Variants in COPG2 observed in about 807,000 individuals in gnomAD.
The protein encoded by COPG2 is coatomer subunit gamma-2.
COPG2 carries 37 observed loss-of-function variants against 46.3 expected under a neutral mutation model. The observed-to-expected ratio is 0.80, with a 90% CI of 0.61 to 1.05. The LOEUF (loss-of-function observed/expected upper bound fraction) is 1.05. Ranked by LOEUF, COPG2 falls within the 50% of genes least tolerant of loss-of-function variation. COPG2 has a pLI of 0.00. For synonymous variants in COPG2, 159 were observed against 129.7 expected (o/e 1.23, Z -1.53); for missense variants, 427 against 387.8 (o/e 1.10, Z -0.85).
Position 130,548,556 on chromosome 7 carries a change from A to G in COPG2, c.1838-14T>C. The G allele has an allele frequency of 7.5e-6, 3 of 398,578 alleles. No homozygotes were observed. Among genetic ancestry groups the G allele is most frequent in the Non-Finnish European group, 1.3e-5 (3 of 226,014 alleles). 24.7% of individuals were successfully genotyped at this position (398,578 alleles called of 1,614,324 possible). On this transcript the variant is annotated splice_polypyrimidine_tract_variant and intron_variant, in intron 18 of 23. Transcript: ENST00000425248. Reference sequence around the variant, plus strand: ...CAGCCAATTGTTCTATCAAGAAAAAAGAACGTAGGCTATGAAGAAGACAGG... The same window carrying G: ...CAGCCAATTGTTCTATCAAGAAAAAGGAACGTAGGCTATGAAGAAGACAGG...
chr7:130,617,925 A>T (rs1794976529), intron 5 of COPG2, among the ~76,000 whole-genome samples: 1 of 151,512 alleles, frequency 6.6e-6, no homozygotes, highest in South Asian at 2.1e-4. Flanking sequence ...ACATGACTAA[A>T]CCCCATCTCT....
chr7:130,540,563 G>T (rs1799925987), intron 20 of COPG2, among the ~76,000 whole-genome samples: 1 of 152,066 alleles, frequency 6.6e-6, no homozygotes, highest in Admixed American at 6.5e-5. Context: ...ATGCAGACTG[G>T]TGTTTGGGGT....
At chr7:130,598,158 T>G (rs1383834892) in intron 9 of COPG2, among the ~76,000 whole-genome samples, 3 of 152,130 alleles carry the variant, frequency 2.0e-5, no homozygotes, top group Non-Finnish European at 2.9e-5. Context: ...CTTTTTTTTT[T>G]GTATCCCTCT....
intron 9 of COPG2, among the ~76,000 whole-genome samples, chr7:130,576,393 C>A (rs1554446232): frequency 6.6e-6 from 1 of 152,124 alleles, no homozygotes; most frequent in Non-Finnish European, 1.5e-5. Context: ...TTAAATAAAA[C>A]TGGAAATCAA....
intron 9 of COPG2, among the ~76,000 whole-genome samples, chr7:130,586,908 A>C (rs559470275): frequency 6.6e-6 from 1 of 152,244 alleles, no homozygotes; most frequent in South Asian, 2.1e-4. Flanking sequence ...GCTATTAGCC[A>C]ACACTCAACA....
chr7:130,547,895 C>CAGGAA (rs1793470817), intron 19 of COPG2, 50 bp from the exon 20 acceptor site: 1 of 398,426 alleles, frequency 2.5e-6, no homozygotes, highest in Non-Finnish European at 4.4e-6. Context: ...AGTTATCCTT[C>CAGGAA]CTACTCATAA....
chr7:130,523,414 G>GCCGC (rs1489794890), intron 20 of COPG2, among the ~76,000 whole-genome samples: 3 of 152,174 alleles, frequency 2.0e-5, no homozygotes, highest in Non-Finnish European at 2.9e-5. Context: ...CTTCTGATAG[G>GCCGC]CCGCCTTGGG....
chr7:130,513,476 C>T (rs1799645425), intron 20 of COPG2, among the ~76,000 whole-genome samples: 1 of 148,946 alleles, frequency 6.7e-6, no homozygotes, highest in Admixed American at 6.7e-5. Context: ...CAGAAGATGG[C>T]AGAGCTGCAT....
At chr7:130,571,031 C>T (rs1283480708) in intron 9 of COPG2, among the ~76,000 whole-genome samples, 2 of 152,140 alleles carry the variant, frequency 1.3e-5, no homozygotes, top group Non-Finnish European at 2.9e-5. Flanking sequence ...TCATCTCTCA[C>T]CTTATATAAA....
At chr7:130,596,425 AT>A (rs1554449683) in intron 9 of COPG2, among the ~76,000 whole-genome samples, 2 of 152,212 alleles carry the variant, frequency 1.3e-5, no homozygotes, top group African/African-American at 4.8e-5. Context: ...GCCATGCTGA[AT>A]TATCTCTACT....
intron 9 of COPG2, among the ~76,000 whole-genome samples, chr7:130,568,195 A>G (rs1290700733): frequency 6.6e-6 from 1 of 152,148 alleles, no homozygotes; most frequent in Non-Finnish European, 1.5e-5. Flanking sequence ...GAATCACTTG[A>G]ACCTGGGAGA....
chr7:130,563,755 C>CAAA (rs1239944614), intron 10 of COPG2, among the ~76,000 whole-genome samples: 38 of 88,962 alleles, frequency 4.3e-4, no homozygotes, highest in African/African-American at 5.3e-4. Flanking sequence ...GACTCCGTCT[C>CAAA]AAAAAAAAAA....
At chr7:130,570,086 C>A (rs948798294) in intron 9 of COPG2, among the ~76,000 whole-genome samples, 70 of 152,240 alleles carry the variant, frequency 4.6e-4, no homozygotes, top group African/African-American at 1.3e-3. Flanking sequence ...AGGAGAAACC[C>A]ACAGTTGGCA....
chr7:130,660,910 G>A (rs1477932650), intron 4 of COPG2, among the ~76,000 whole-genome samples: 1 of 152,002 alleles, frequency 6.6e-6, no homozygotes, highest in Admixed American at 6.6e-5. Context: ...CCTCCTAACC[G>A]AAGATTCCAC....
intron 4 of COPG2, among the ~76,000 whole-genome samples, chr7:130,662,053 A>T (rs1199701184): frequency 6.6e-6 from 1 of 152,194 alleles, no homozygotes; most frequent in African/African-American, 2.4e-5. Context: ...AGATATATGG[A>T]CAGACTCTGA....
At chr7:130,603,777 G>C (rs782313223) in intron 9 of COPG2, 2 of 504,578 alleles carry the variant, frequency 4.0e-6, no homozygotes, top group South Asian at 2.9e-5. Context: ...CAGTACTATA[G>C]GCATCTTGTA....
At chr7:130,624,106 C>A (rs1795079714) in intron 5 of COPG2, among the ~76,000 whole-genome samples, 1 of 152,076 alleles carries the variant, frequency 6.6e-6, no homozygotes, top group Admixed American at 6.6e-5. Context: ...GTAGAAGAGA[C>A]TAGCTAGCTC....
At chr7:130,577,255 G>A (rs1563047689) in intron 9 of COPG2, among the ~76,000 whole-genome samples, 2 of 152,356 alleles carry the variant, frequency 1.3e-5, no homozygotes, top group South Asian at 4.1e-4. Context: ...TCCATCTGAG[G>A]TACTGGGTTC....
At chr7:130,601,148 A>G (rs1476848369) in intron 9 of COPG2, among the ~76,000 whole-genome samples, 1 of 152,244 alleles carries the variant, frequency 6.6e-6, no homozygotes, top group Non-Finnish European at 1.5e-5. Context: ...AATGGCAATC[A>G]TTAAAAAGTC....
Sources: gnomAD v4.1 joint callset for allele counts (sites outside exome capture counted in the v4.1 genomes callset) on GRCh38, gnomAD v4.1.1 for gene constraint, MANE v1.5 for transcripts, NCBI Gene and HGNC (gene_info 2026-07-23, HGNC 2026-07-21) for gene names.